Variants in FBN1 observed in about 807,000 individuals in gnomAD.
FBN1 encodes fibrillin-1.
In FBN1, 29 loss-of-function variants were observed where a neutral mutation model predicts 365.1. That is an observed-to-expected ratio of 0.08 (90% CI 0.06 to 0.11). The LOEUF is 0.11. Ranked by LOEUF, FBN1 falls within the 10% of genes least tolerant of loss-of-function variation. The pLI is 1.00. For missense variants in FBN1, 2,476 were observed against 3,703.2 expected, an observed-to-expected ratio of 0.67 and a Z score of 8.60; for synonymous variants, 1,210 against 1,270.5, an observed-to-expected ratio of 0.95 and a Z score of 1.01.
intron 50 of FBN1, among the ~76,000 whole-genome samples, chr15:48,438,960 T>C (rs1433776078): frequency 6.6e-6 from 1 of 152,194 alleles, no homozygotes; most frequent in Non-Finnish European, 1.5e-5. Flanking sequence ...ACCCATATTG[T>C]ACTATTCTTC....
intron 6 of FBN1, among the ~76,000 whole-genome samples, chr15:48,557,067 G>GCACTCAAC (rs910285974): frequency 6.6e-6 from 1 of 152,156 alleles, no homozygotes; most frequent in Non-Finnish European, 1.5e-5. Flanking sequence ...GAGGGGAGTT[G>GCACTCAAC]AGTGCACACT....
chr15:48,469,713 GA>G (rs1000619407), intron 36 of FBN1, among the ~76,000 whole-genome samples: 2 of 152,084 alleles, frequency 1.3e-5, no homozygotes, highest in Admixed American at 1.3e-4. Context: ...ACAGAAACGA[GA>G]TTAGACAGAA....
chr15:48,411,374 C>G lies in FBN1; in HGVS notation c.8232G>C (p.Gln2744His), dbSNP rs376119827. 11 of 1,613,792 alleles carry G rather than the reference C, an allele frequency of 6.8e-6. No homozygotes were observed. Among genetic ancestry groups the G allele is most frequent in the Non-Finnish European group, 9.3e-6 (11 of 1,179,980 alleles). The change falls in exon 66 of 66, where the codon CAG becomes CAC. Residue 2744 changes from glutamine to histidine, a missense_variant. Coordinates refer to ENST00000316623, the MANE Select transcript of FBN1 (RefSeq NM_000138.5). ...NETDASNIEDQSETEANVSLA... is the reference protein window; with the variant it reads ...NETDASNIEDHSETEANVSLA... ...GACTCACATTGGCTTCTGTCTCAGA[C>G]TGATCCTGGAAAGACACATGGCAAT... is the stretch of plus-strand genomic sequence containing the variant.
chr15:48,576,158 C>A (rs1259832975), intron 6 of FBN1, among the ~76,000 whole-genome samples: 1 of 152,204 alleles, frequency 6.6e-6, no homozygotes, highest in Non-Finnish European at 1.5e-5. Context: ...ATTTAACTTA[C>A]CTCCAAACTC....
chr15:48,441,755 C>T lies in FBN1; in HGVS notation c.6129G>A (p.Gly2043=). The T allele has an allele frequency of 6.2e-7, 1 of 1,613,730 alleles. No individual in the cohort carries two copies. The highest frequency in any genetic ancestry group is 8.5e-7 in the Non-Finnish European group (1 of 1,179,694). The change falls in exon 50 of 66, where the codon GGG becomes GGA. Residue 2043 remains glycine, a synonymous_variant. Transcript: ENST00000316623. ...EGSFKCLCPE[G]FSLSSSGRRC... is the part of the protein sequence containing the mutation. ...TTCTTCCACTGGAGGACAAGGAAAA[C>T]CCTTCTGGACACAGACATTTGAAGC...
chr15:48,490,612 C>T (rs1183414089), intron 24 of FBN1, among the ~76,000 whole-genome samples: 1 of 152,228 alleles, frequency 6.6e-6, no homozygotes, highest in East Asian at 1.9e-4. Flanking sequence ...AAGCCATTCA[C>T]TTTACTTCTC....
chr15:48,517,405 G>A (rs956521202), intron 10 of FBN1, among the ~76,000 whole-genome samples: 12 of 152,164 alleles, frequency 7.9e-5, no homozygotes, highest in African/African-American at 2.7e-4. Context: ...TGGAGAAGTG[G>A]CCCATAAGGG....
At chr15:48,433,296 G>T (rs2043038372) in intron 54 of FBN1, among the ~76,000 whole-genome samples, 1 of 152,024 alleles carries the variant, frequency 6.6e-6, no homozygotes, top group Non-Finnish European at 1.5e-5. Context: ...AACATTTGAG[G>T]GGCTCTTCTG....
intron 4 of FBN1, among the ~76,000 whole-genome samples, chr15:48,600,514 G>T (rs555172207): frequency 9.2e-5 from 14 of 152,274 alleles, no homozygotes; most frequent in Admixed American, 8.5e-4. Context: ...GACCAGCCTG[G>T]CCAACATGGT....
chr15:48,480,333 C>T (rs1284972690), intron 32 of FBN1, among the ~76,000 whole-genome samples: 2 of 152,102 alleles, frequency 1.3e-5, no homozygotes, highest in East Asian at 3.9e-4. Context: ...GACCATCATC[C>T]CTTACCAAGT....
rs773703370 is a variant in FBN1, at chr15:48,644,808, C to G, written c.-39G>C. On this transcript the variant is annotated 5_prime_UTR_variant, in exon 2 of 66. Coordinates refer to ENST00000316623, the MANE Select transcript of FBN1 (RefSeq NM_000138.5). Reference sequence around the variant, plus strand: ...CACCGGCTCCCGCCGCCTCTTGCCGCGCCCGGGGCTCGGTCTGCGGCCGCC... The same window carrying G: ...CACCGGCTCCCGCCGCCTCTTGCCGGGCCCGGGGCTCGGTCTGCGGCCGCC... The G allele has an allele frequency of 2.3e-5, 36 of 1,592,198 alleles. No homozygotes were observed. In the Middle Eastern group the frequency reaches 6.2e-4, roughly 27 times the overall value.
chr15:48,514,094 A>T (rs1236238000), intron 12 of FBN1, among the ~76,000 whole-genome samples: 2 of 152,220 alleles, frequency 1.3e-5, no homozygotes, highest in Non-Finnish European at 2.9e-5. Context: ...CTAAAATGTT[A>T]GAACAAAACA....
Position 48,460,303 on chromosome 15 carries a change from G to A in FBN1, c.5239C>T (p.Leu1747Phe), listed in dbSNP as rs1250470667. 2 of 1,612,790 alleles carry A rather than the reference G, an allele frequency of 1.2e-6. No homozygotes were observed. The highest frequency in any genetic ancestry group is 1.1e-5 in the South Asian group (1 of 91,056). ...PIPSTDEFAT[L>F]CGSQRPGFVI... ...AAGCCTGGCCTTTGACTTCCACAGAGTGTAGCAAACTCATCTGCAATGATT... is the reference window on the plus strand; with the variant it reads ...AAGCCTGGCCTTTGACTTCCACAGAATGTAGCAAACTCATCTGCAATGATT... The change falls in exon 43 of 66, where the codon CTC becomes TTC. Residue 1747 changes from leucine to phenylalanine, a missense_variant. By Grantham distance (22) the Leu-to-Phe change is conservative (BLOSUM62 0). This residue lies in a region of FBN1 where 1,780 missense variants were observed against 2,840.8 expected (regional missense o/e 0.63). Transcript: ENST00000316623.
At chr15:48,486,689 G>A (rs539624592) in intron 29 of FBN1, among the ~76,000 whole-genome samples, 1 of 152,126 alleles carries the variant, frequency 6.6e-6, no homozygotes, top group Non-Finnish European at 1.5e-5. Flanking sequence ...AGCACTCACC[G>A]TGTTTAGTTT....
chr15:48,516,559 G>A (rs954971083), intron 10 of FBN1, among the ~76,000 whole-genome samples, 197 bp from the exon 11 acceptor site: 5 of 152,064 alleles, frequency 3.3e-5, no homozygotes, highest in Non-Finnish European at 7.3e-5. Flanking sequence ...AACCACTCTG[G>A]AACAATAATT....
intron 6 of FBN1, among the ~76,000 whole-genome samples, chr15:48,565,476 C>A (rs2044253125): frequency 6.6e-6 from 1 of 151,946 alleles, no homozygotes; most frequent in Non-Finnish European, 1.5e-5. Context: ...ACACATAACA[C>A]AATCATGTGT....
At chr15:48,417,885 C>T (rs1290576495) in intron 63 of FBN1, among the ~76,000 whole-genome samples, 4 of 152,192 alleles carry the variant, frequency 2.6e-5, no homozygotes, top group African/African-American at 4.8e-5. Context: ...TTGCTCTTGG[C>T]CCCAGGTGGC....
intron 17 of FBN1, among the ~76,000 whole-genome samples, chr15:48,499,252 G>T (rs1033395098): frequency 2.0e-5 from 3 of 152,188 alleles, no homozygotes; most frequent in Non-Finnish European, 4.4e-5. Context: ...AAGGATACAG[G>T]CAAGTTATAG....
At chr15:48,621,851 A>T (rs1007698148) in intron 2 of FBN1, among the ~76,000 whole-genome samples, 9 of 150,968 alleles carry the variant, frequency 6.0e-5, no homozygotes, top group African/African-American at 2.2e-4. Context: ...AAAAAAAATT[A>T]GCCGGGCGTG....
Sources: allele counts gnomAD v4.1 joint callset (sites outside exome capture counted in the v4.1 genomes callset), GRCh38; gene constraint gnomAD v4.1.1; regional missense constraint gnomAD v4.1.1; transcripts MANE v1.5; gene names NCBI Gene and HGNC (gene_info 2026-07-23, HGNC 2026-07-21).